The following CELF1 variants were observed in gnomAD, a reference collection of about 807,000 sequenced individuals.
CELF1 encodes CUGBP Elav-like family member 1.
Under a neutral mutation model 61.8 loss-of-function variants are expected in CELF1, and 10 were observed. The ratio of observed to expected loss-of-function variants is 0.16; its 90% confidence interval spans 0.10 to 0.27. CELF1 has a LOEUF of 0.27. CELF1 is among the 10% of genes least tolerant of loss of function. The pLI, the probability that CELF1 is intolerant of heterozygous loss-of-function variation, is 1.00. For synonymous variants in CELF1, 236 were observed against 225.1 expected, an observed-to-expected ratio of 1.05 and a Z score of -0.43; for missense variants, 380 against 639.1, an observed-to-expected ratio of 0.59 and a Z score of 4.37.
intron 1 of CELF1, among the ~76,000 whole-genome samples, chr11:47,527,382 C>T (rs1334892569): frequency 6.6e-6 from 1 of 151,986 alleles, no homozygotes; most frequent in Non-Finnish European, 1.5e-5. Context: ...CAAAGTGAGA[C>T]ACTGCCTCAA....
At chr11:47,546,011 C>T (rs893397771) in intron 1 of CELF1, among the ~76,000 whole-genome samples, 2 of 149,948 alleles carry the variant, frequency 1.3e-5, no homozygotes, top group Non-Finnish European at 3.0e-5. Context: ...CCCGGGTTCA[C>T]GCCATTCTCC....
intron 1 of CELF1, among the ~76,000 whole-genome samples, chr11:47,533,177 T>C (rs915480352): frequency 2.6e-5 from 4 of 151,760 alleles, no homozygotes; most frequent in African/African-American, 4.8e-5. Flanking sequence ...AATAGTACCA[T>C]ACAGTATACA....
intron 6 of CELF1, among the ~76,000 whole-genome samples, chr11:47,484,842 C>T (rs1378349236): frequency 1.3e-5 from 2 of 152,084 alleles, no homozygotes; most frequent in Non-Finnish European, 2.9e-5. Context: ...AAATGCCTGG[C>T]TAATTTTGTA....
chr11:47,545,195 C>T (rs558756715), intron 1 of CELF1, among the ~76,000 whole-genome samples: 2 of 151,662 alleles, frequency 1.3e-5, no homozygotes, highest in Non-Finnish European at 2.9e-5. Context: ...TTTGGGAAGC[C>T]GAGGTGGGCG....
At chr11:47,477,784 TC>T (rs1218884493) in intron 10 of CELF1, 1 of 200,404 alleles carries the variant, frequency 5.0e-6, no homozygotes, top group African/African-American at 2.3e-5. Flanking sequence ...GGCCCCTCAC[TC>T]ACACTTTACA....
In CELF1 at chr11:47,548,076, G is replaced by C. The variant is rs561621475; in HGVS notation, c.-154+4916C>G. Among the ~76,000 whole-genome samples the C allele has an allele frequency of 2.6e-5, 4 of 152,134 alleles. No individual in the cohort carries two copies. In the East Asian group the frequency reaches 5.8e-4, roughly 22 times the overall value. On this transcript the variant is annotated intron_variant, in intron 1 of 14. Transcript: ENST00000687097. ...AACACTTTGGGAGGCTGAGGCAGGT[G>C]GATCACGAGGTCTGGAGTTCAAGAC...
chr11:47,469,355 G>A lies in CELF1; in HGVS notation c.*2875C>T. 1 of 152,222 alleles carries A rather than the reference G, an allele frequency of 6.6e-6. No homozygotes were observed. The highest frequency in any genetic ancestry group is 1.9e-4 in the East Asian group (1 of 5,188). 9.4% of individuals were successfully genotyped at this position (152,222 alleles called of 1,614,324 possible). Reference sequence around the variant, plus strand: ...AATCCAAGCTCTTAGCTTCCATCCAGGCCCTGGCCACTCAAGGGGAACCCA... The same window carrying A: ...AATCCAAGCTCTTAGCTTCCATCCAAGCCCTGGCCACTCAAGGGGAACCCA... On this transcript the variant is annotated 3_prime_UTR_variant, in exon 15 of 15. Transcript: ENST00000687097.
upstream of CELF1, among the ~76,000 whole-genome samples, chr11:47,554,968 A>G (rs528905880): frequency 3.0e-4 from 46 of 152,200 alleles, 1 homozygote; most frequent in South Asian, 9.3e-3. Context: ...CCGGCCTCAC[A>G]GTATATTTTG....
At chr11:47,516,409 T>C (rs924837285) in intron 1 of CELF1, among the ~76,000 whole-genome samples, 1 of 152,168 alleles carries the variant, frequency 6.6e-6, no homozygotes, top group African/African-American at 2.4e-5. Flanking sequence ...CCACCTCCTC[T>C]AGGCAACCTG....
rs1424547044 is a variant in CELF1 at position 47,558,566 on chromosome 11, AAT to A, written c.-11+5783_-11+5784del. On this transcript the variant is annotated intron_variant, in intron 2 of 3. Coordinates refer to the CELF1 transcript ENST00000525841. ...ATTTATATTATATATATTTATATAT[AAT>A]ATATAAATATATATATATATTTATA... is the stretch of plus-strand genomic sequence containing the variant. 2.4e-3 allele frequency among the ~76,000 whole-genome samples: 251 copies of A among 106,184 alleles called. 4 individuals are homozygous for A. The highest frequency in any genetic ancestry group is 2.7e-3 in the Non-Finnish European group (150 of 55,214). 69.7% of individuals were successfully genotyped at this position (106,184 alleles called of 152,430 possible). A position where few individuals can be genotyped will look rare whatever the true frequency, so the allele number is the denominator to read the frequency against.
At chr11:47,539,167 ATTATTT>A (rs2096712052) in intron 1 of CELF1, among the ~76,000 whole-genome samples, 2 of 152,240 alleles carry the variant, frequency 1.3e-5, no homozygotes, top group African/African-American at 4.8e-5. Context: ...AAATAGCAGT[ATTATTT>A]TTAACAGGCT....
intron 1 of CELF1, among the ~76,000 whole-genome samples, chr11:47,524,968 C>A (rs958880948): frequency 6.6e-6 from 1 of 152,114 alleles, no homozygotes; most frequent in Non-Finnish European, 1.5e-5. Flanking sequence ...TCACTGACAC[C>A]AAGAATCCCT....
intron 1 of CELF1, among the ~76,000 whole-genome samples, chr11:47,538,568 G>T (rs959503573): frequency 6.6e-6 from 1 of 151,276 alleles, no homozygotes; most frequent in Non-Finnish European, 1.5e-5. Context: ...GCGTGAACCC[G>T]GGAGACAGAG....
At chr11:47,507,166 T>C (rs1013603156) in intron 1 of CELF1, among the ~76,000 whole-genome samples, 7 of 152,226 alleles carry the variant, frequency 4.6e-5, no homozygotes, top group African/African-American at 1.7e-4. Flanking sequence ...TAAAATGTCG[T>C]AACAAATAGC....
In CELF1 at chr11:47,499,624, C is replaced by T. The variant is rs942887698; in HGVS notation, c.-81-20G>A. On this transcript the variant is annotated intron_variant, in intron 2 of 14. Transcript: ENST00000687097. ...AGCTTCCTGGGCCCCACAAAAAACA[C>T]AAAGTGGAAACAGGAGCTCAGGGAA... 1.9e-5 allele frequency: 18 copies of T among 926,970 alleles called. No individual in the cohort carries two copies. In the East Asian group the frequency reaches 4.5e-4, roughly 23 times the overall value. The allele number at this position is 926,970 out of a possible 1,614,324, so 57.4% of individuals were successfully genotyped here. A position where few individuals can be genotyped will look rare whatever the true frequency, so the allele number is the denominator to read the frequency against.
intron 1 of CELF1, among the ~76,000 whole-genome samples, chr11:47,520,287 A>T (rs2095816982): frequency 6.6e-6 from 1 of 152,156 alleles, no homozygotes; most frequent in African/African-American, 2.4e-5. Flanking sequence ...TTTTTGTGCT[A>T]TTTCATCACA....
At chr11:47,526,145 C>T (rs1006315947) in intron 1 of CELF1, among the ~76,000 whole-genome samples, 2 of 152,070 alleles carry the variant, frequency 1.3e-5, no homozygotes, top group Non-Finnish European at 2.9e-5. Flanking sequence ...GCCTGACCAA[C>T]AGGGAGAAAC....
chr11:47,559,943 A>G (rs1376902818), intron 2 of CELF1, among the ~76,000 whole-genome samples: 1 of 151,260 alleles, frequency 6.6e-6, no homozygotes, highest in Admixed American at 6.6e-5. Context: ...CAGAAGTTGC[A>G]GTGAGGAGAG....
At chr11:47,534,153 G>C (rs1007097609) in intron 1 of CELF1, among the ~76,000 whole-genome samples, 1 of 144,980 alleles carries the variant, frequency 6.9e-6, no homozygotes, top group African/African-American at 2.5e-5. Flanking sequence ...CTCAGCCTCC[G>C]AAGTAGCTGA....
Sources: allele counts gnomAD v4.1 joint callset (sites outside exome capture counted in the v4.1 genomes callset), GRCh38; gene constraint gnomAD v4.1.1; transcripts MANE v1.5; gene names NCBI Gene and HGNC (gene_info 2026-07-23, HGNC 2026-07-21).